MYOZ3: variants seen among roughly 807,000 people sequenced by gnomAD.
MYOZ3 encodes myozenin 3.
In MYOZ3, 19 loss-of-function variants were observed where a neutral mutation model predicts 26.5. That is an observed-to-expected ratio of 0.72 (90% CI 0.50 to 1.05). MYOZ3 has a LOEUF of 1.05. MYOZ3 is among the 50% of genes least tolerant of loss of function. The probability of loss-of-function intolerance (pLI) is 0.00; values close to 1 mark genes in which losing one functional copy is unlikely to be tolerated. For missense variants in MYOZ3, 322 were observed against 337.1 expected, an observed-to-expected ratio of 0.96 and a Z score of 0.35; for synonymous variants, 135 against 138.8, an observed-to-expected ratio of 0.97 and a Z score of 0.19.
chr5:150,663,210 C>T (rs985912851), intron 2 of MYOZ3, among the ~76,000 whole-genome samples: 1 of 152,258 alleles, frequency 6.6e-6, no homozygotes, highest in African/African-American at 2.4e-5. Flanking sequence ...TCCACAGACC[C>T]AGGAGCTGAG....
chr5:150,676,904 C>G lies in MYOZ3; in HGVS notation c.*29C>G. The stretch of plus-strand genomic sequence containing the variant: ...TAGCCTGAATCTTCAGTTCCCCAGT[C>G]TCGGGGGCCTGGTAACATCCGGAGC... On this transcript the variant is annotated 3_prime_UTR_variant, in exon 7 of 7. Transcript: ENST00000517768. 6.3e-7 allele frequency: 1 copy of G among 1,584,074 alleles called. No homozygotes were observed. The highest frequency in any genetic ancestry group is 8.6e-7 in the Non-Finnish European group (1 of 1,165,880).
intron 2 of MYOZ3, among the ~76,000 whole-genome samples, chr5:150,667,633 C>T (rs1485536492): frequency 6.6e-6 from 1 of 152,138 alleles, no homozygotes; most frequent in African/African-American, 2.4e-5. Context: ...TCCATTTTTA[C>T]AAACAAACAA....
chr5:150,667,112 C>T (rs909889915), intron 2 of MYOZ3, among the ~76,000 whole-genome samples: 5 of 151,900 alleles, frequency 3.3e-5, no homozygotes, highest in African/African-American at 7.3e-5. Flanking sequence ...TTTATGTGTC[C>T]GTTGAAAGAA....
intron 2 of MYOZ3, 61 bp downstream of exon 2, chr5:150,663,063 C>A: frequency 7.0e-7 from 1 of 1,438,778 alleles, no homozygotes; most frequent in Non-Finnish European, 9.6e-7. Flanking sequence ...TCCCAGGCTG[C>A]ACTCACTCTG....
intron 6 of MYOZ3, among the ~76,000 whole-genome samples, chr5:150,674,155 C>T (rs1758969227): frequency 6.6e-6 from 1 of 152,214 alleles, no homozygotes; most frequent in Non-Finnish European, 1.5e-5. Context: ...GAGCCATTAA[C>T]AGACATTCTG....
At chr5:150,676,272 G>A (rs1759004194) in intron 6 of MYOZ3, among the ~76,000 whole-genome samples, 1 of 152,110 alleles carries the variant, frequency 6.6e-6, no homozygotes, top group African/African-American at 2.4e-5. Flanking sequence ...ATTGCTGGGT[G>A]CGGTGGCTCA....
chr5:150,664,036 G>A (rs866991763), intron 2 of MYOZ3, among the ~76,000 whole-genome samples: 7 of 151,484 alleles, frequency 4.6e-5, no homozygotes, highest in Admixed American at 6.6e-5. Flanking sequence ...ATTCAACTAA[G>A]TCAGAGTTCT....
At chr5:150,662,752 C>T (rs571011114) in intron 1 of MYOZ3, among the ~76,000 whole-genome samples, 189 bp from the exon 2 acceptor site, 45 of 152,228 alleles carry the variant, frequency 3.0e-4, no homozygotes, top group East Asian at 3.9e-4. Flanking sequence ...ACCTCCCTCT[C>T]GTTCCCTGGG....
rs1232520742 is a variant in MYOZ3, at chr5:150,673,616, A to G, written c.587+1114A>G. Among the ~76,000 whole-genome samples, 5 of 152,226 alleles carry G rather than the reference A, an allele frequency of 3.3e-5. No homozygotes were observed. In the East Asian group the frequency reaches 9.6e-4, roughly 29 times the overall value. On this transcript the variant is annotated intron_variant, in intron 6 of 6. Coordinates refer to ENST00000517768, the MANE Select transcript of MYOZ3 (RefSeq NM_001122853.3). ...TTGCCTCCCAAAGTGCTGGGATTACAGGCATGAGCCACCGCCCCCGGCGTA... is the reference window on the plus strand; with the variant it reads ...TTGCCTCCCAAAGTGCTGGGATTACGGGCATGAGCCACCGCCCCCGGCGTA...
chr5:150,674,387 T>C (rs1758971930), intron 6 of MYOZ3, among the ~76,000 whole-genome samples: 1 of 152,206 alleles, frequency 6.6e-6, no homozygotes, highest in African/African-American at 2.4e-5. Context: ...CCAGACCTCT[T>C]CTGAGGGAGA....
At position 150,672,256 on chromosome 5, in the gene MYOZ3, G is replaced by T. The variant is rs1038915124; in HGVS notation, c.425-84G>T. On this transcript the variant is annotated intron_variant, in intron 5 of 6. Coordinates refer to ENST00000517768, the MANE Select transcript of MYOZ3 (RefSeq NM_001122853.3). ...CTCCGATCTTCCCTCCTCCAACCGC[G>T]TCCGCGGAATGGGGGTGGGGCGAGG... 33 of 1,540,718 alleles carry T rather than the reference G, an allele frequency of 2.1e-5. No homozygotes were observed. In the East Asian group the frequency reaches 7.3e-4, roughly 34 times the overall value.
chr5:150,675,692 G>T (rs1187173532), intron 6 of MYOZ3, among the ~76,000 whole-genome samples: 1 of 152,018 alleles, frequency 6.6e-6, no homozygotes, highest in Non-Finnish European at 1.5e-5. Context: ...GCTTTCTATC[G>T]TGTGAGCATG....
At chr5:150,672,824 A>C in intron 6 of MYOZ3, 2 of 300,532 alleles carry the variant, frequency 6.7e-6, no homozygotes, top group East Asian at 6.5e-5. Flanking sequence ...AAAGCCACAA[A>C]ACAAGGAAGC....
rs189923921 is a variant in MYOZ3 at position 150,665,991 on chromosome 5, T to C, written c.61+2989T>C. Among the ~76,000 whole-genome samples, 411 of 142,914 alleles carry C rather than the reference T, an allele frequency of 2.9e-3. 2 individuals carry two copies. The highest frequency in any genetic ancestry group is 0.01 in the African/African-American group (383 of 37,476). 93.8% of individuals were successfully genotyped at this position (142,914 alleles called of 152,430 possible). On this transcript the variant is annotated intron_variant, in intron 2 of 6. Coordinates refer to ENST00000517768, the MANE Select transcript of MYOZ3 (RefSeq NM_001122853.3). ...CAGAGGTTGCAGTGAGCCGAGATCA[T>C]GCCATTGCACTCCAGCCTGGGCAAC...
chr5:150,667,576 T>C (rs1213714131), intron 2 of MYOZ3, among the ~76,000 whole-genome samples: 1 of 152,150 alleles, frequency 6.6e-6, no homozygotes, highest in East Asian at 1.9e-4. Context: ...CCTCTCTCTA[T>C]TGCATTGTCA....
intron 2 of MYOZ3, among the ~76,000 whole-genome samples, chr5:150,664,904 C>T (rs780048260): frequency 1.3e-5 from 2 of 152,194 alleles, no homozygotes; most frequent in Non-Finnish European, 2.9e-5. Flanking sequence ...ATGGAACCAT[C>T]TGGAGATAAC....
At chr5:150,664,769 A>G (rs1353728654) in intron 2 of MYOZ3, among the ~76,000 whole-genome samples, 1 of 152,128 alleles carries the variant, frequency 6.6e-6, no homozygotes, top group African/African-American at 2.4e-5. Context: ...TCTTTATTAC[A>G]TGGTTACAAT....
At position 150,671,893 on chromosome 5, in the gene MYOZ3, A is replaced by C. The variant is rs2151448212; in HGVS notation, c.409A>C (p.Ser137Arg). ...AAPAGCVPSP[S>R]ALAPGYAEPL... is the part of the protein sequence containing the mutation. ...CCCTGCTGGGTGCGTCCCCAGCCCC[A>C]GCGCCCTGGCGCCAGGTGAGTGGCC... Residue 137 changes from serine to arginine, a missense_variant, in exon 5 of 7, where the codon AGC becomes CGC. Transcript: ENST00000517768. 6.4e-7 allele frequency: 1 copy of C among 1,559,314 alleles called. No individual in the cohort carries two copies. Among genetic ancestry groups the C allele is most frequent in the Non-Finnish European group, 8.6e-7 (1 of 1,158,184 alleles).
Position 150,676,987 on chromosome 5 carries a change from T to C in MYOZ3, c.*112T>C, listed in dbSNP as rs1477123631. On this transcript the variant is annotated 3_prime_UTR_variant, in exon 7 of 7. Transcript: ENST00000517768. The stretch of plus-strand genomic sequence containing the variant: ...AAGGGCCTTCACACACAAAACCTGA[T>C]TGCAAATGGCTTCAGAGGTCACCAA... 2.0e-5 allele frequency: 22 copies of C among 1,107,834 alleles called. No individual in the cohort carries two copies. The highest frequency in any genetic ancestry group is 2.0e-4 in the Middle Eastern group (1 of 4,882). The allele number at this position is 1,107,834 out of a possible 1,614,324, so 68.6% of individuals were successfully genotyped here. A position where few individuals can be genotyped will look rare whatever the true frequency, so the allele number is the denominator to read the frequency against.
Sources: gnomAD v4.1 joint callset for allele counts (sites outside exome capture counted in the v4.1 genomes callset) on GRCh38, gnomAD v4.1.1 for gene constraint, MANE v1.5 for transcripts, NCBI Gene and HGNC (gene_info 2026-07-23, HGNC 2026-07-21) for gene names.